DAB1: variants seen among roughly 807,000 people sequenced by gnomAD.
DAB1 encodes disabled homolog 1.
DAB1 carries 15 observed loss-of-function variants against 64.6 expected under a neutral mutation model. The ratio of observed to expected loss-of-function variants is 0.23; its 90% CI spans 0.16 to 0.36. The LOEUF (loss-of-function observed/expected upper bound fraction) is 0.36. Among genes scored for constraint, DAB1 ranks in the 10% least tolerant of loss-of-function variants. DAB1 has a pLI of 1.00. For missense variants in DAB1, 596 were observed against 706.7 expected (o/e 0.84, Z 1.78); for synonymous variants, 235 against 251.9 (o/e 0.93, Z 0.64).
chr1:58,093,383 G>A (rs1468619293), intron 5 of DAB1, among the ~76,000 whole-genome samples: 1 of 152,158 alleles, frequency 6.6e-6, no homozygotes, highest in African/African-American at 2.4e-5. Context: ...GGTAGGAACT[G>A]GGCCACACAA....
At chr1:58,214,508 G>A (rs1570493053) in intron 4 of DAB1, among the ~76,000 whole-genome samples, 2 of 152,112 alleles carry the variant, frequency 1.3e-5, no homozygotes, top group Non-Finnish European at 2.9e-5. Context: ...TAAGAAAGAG[G>A]GAGTGGTCCC....
chr1:58,250,482 C>T (rs1005228360), intron 4 of DAB1, among the ~76,000 whole-genome samples: 4 of 152,234 alleles, frequency 2.6e-5, no homozygotes, highest in African/African-American at 9.6e-5. Context: ...GCAGTAGCAG[C>T]AGCAGCAGCA....
intron 5 of DAB1, among the ~76,000 whole-genome samples, chr1:57,909,028 C>T (rs1266834306): frequency 6.6e-6 from 1 of 152,188 alleles, no homozygotes; most frequent in Non-Finnish European, 1.5e-5. Context: ...TACAAGACAT[C>T]ATCGAAGAGA....
chr1:57,552,536 A>C (rs2101478740), intron 7 of DAB1, among the ~76,000 whole-genome samples: 1 of 152,330 alleles, frequency 6.6e-6, no homozygotes, highest in East Asian at 1.9e-4. Flanking sequence ...TGAGCAAAGT[A>C]CTCAAGAACA....
intron 6 of DAB1, among the ~76,000 whole-genome samples, chr1:57,664,972 A>G (rs1646429118): frequency 6.6e-6 from 1 of 152,026 alleles, no homozygotes; most frequent in South Asian, 2.1e-4. Flanking sequence ...CTTTTTGCTT[A>G]TTTGTAATTT....
chr1:58,173,937 A>G (rs549736041), intron 4 of DAB1, among the ~76,000 whole-genome samples: 1 of 152,278 alleles, frequency 6.6e-6, no homozygotes, highest in South Asian at 2.1e-4. Context: ...TGCTACAGGA[A>G]CCAGAATAGC....
intron 5 of DAB1, among the ~76,000 whole-genome samples, chr1:57,991,695 A>G (rs1646341684): frequency 6.6e-6 from 1 of 151,816 alleles, no homozygotes. Flanking sequence ...AAAATACAAA[A>G]ATTAGCTGGG....
At chr1:57,064,605 C>A (rs1570623468) in intron 8 of DAB1, among the ~76,000 whole-genome samples, 1 of 152,202 alleles carries the variant, frequency 6.6e-6, no homozygotes, top group African/African-American at 2.4e-5. Flanking sequence ...ATTCAACTCA[C>A]TCCATGAGTG....
At chr1:57,794,508 C>A (rs1650749787) in intron 6 of DAB1, among the ~76,000 whole-genome samples, 1 of 152,156 alleles carries the variant, frequency 6.6e-6, no homozygotes, top group African/African-American at 2.4e-5. Context: ...TACAGCTTAT[C>A]CTACAAGCCT....
chr1:57,796,853 G>A (rs1040643910), intron 6 of DAB1, among the ~76,000 whole-genome samples: 1 of 152,052 alleles, frequency 6.6e-6, no homozygotes, highest in African/African-American at 2.4e-5. Context: ...ACTGGCTATA[G>A]ATCCCCACAT....
At chr1:57,885,723 G>T (rs1218961491), upstream of DAB1, among the ~76,000 whole-genome samples, 1 of 152,104 alleles carries the variant, frequency 6.6e-6, no homozygotes, top group Non-Finnish European at 1.5e-5. Flanking sequence ...GTATGGTGTG[G>T]CCAAAAGCAT....
chr1:57,076,756 T>C (rs1277938530), intron 4 of DAB1, among the ~76,000 whole-genome samples: 1 of 152,230 alleles, frequency 6.6e-6, no homozygotes, highest in East Asian at 1.9e-4. Context: ...GGAACCTACC[T>C]TGATACCCCA....
chr1:58,534,502 A>G (rs1277479054), intron 1 of DAB1, among the ~76,000 whole-genome samples: 1 of 152,270 alleles, frequency 6.6e-6, no homozygotes, highest in East Asian at 1.9e-4. Flanking sequence ...TCATGCAAAG[A>G]CAATGTGGTT....
rs1039719197 is a variant in DAB1, at chr1:57,089,770, G to A, written c.307-17356C>T. 1.7e-4 allele frequency among the ~76,000 whole-genome samples: 26 copies of A among 152,276 alleles called. 2 individuals are homozygous for A. In the South Asian group the frequency reaches 2.3e-3, roughly 13 times the overall value. On this transcript the variant is annotated intron_variant, in intron 4 of 14. Coordinates refer to ENST00000371236, the MANE Select transcript of DAB1 (RefSeq NM_001365792.1). ...GGACATATATTCAAGACATATCATT[G>A]AGTAAATGATTTGATGTAAGAAATA...
intron 4 of DAB1, among the ~76,000 whole-genome samples, chr1:58,281,328 C>T (rs539880503): frequency 1.3e-5 from 2 of 151,410 alleles, no homozygotes; most frequent in South Asian, 2.1e-4. Flanking sequence ...ACACAAGTGA[C>T]GAAGCCTGAA....
Position 58,466,780 on chromosome 1 carries a change from G to A in DAB1, n.257+39280C>T, listed in dbSNP as rs189403326. 5.3e-5 allele frequency among the ~76,000 whole-genome samples: 8 copies of A among 152,230 alleles called. No individual in the cohort carries two copies. The East Asian group carries it at 1.2e-3, about 22-fold the overall frequency. ...TTGCCTCCTTTTACCACCACAGCCCGGTTGAACAGCGCCTGTCCCATAACT... is the reference window on the plus strand; with the variant it reads ...TTGCCTCCTTTTACCACCACAGCCCAGTTGAACAGCGCCTGTCCCATAACT... On this transcript the variant is annotated intron_variant and non_coding_transcript_variant, in intron 3 of 20. Coordinates refer to the DAB1 transcript ENST00000485760.
rs1645974867 is a variant in DAB1 at position 57,630,392 on chromosome 1, C to A, written n.625+19200G>T. 2.6e-5 allele frequency among the ~76,000 whole-genome samples: 4 copies of A among 152,244 alleles called. No individual in the cohort carries two copies. The South Asian group carries it at 6.2e-4, about 24-fold the overall frequency. ...AAGAGTCCACTCTAGTGTTCGATAA[C>A]CCTCACCTCGGGAAAATTGTCTCTT... is the stretch of plus-strand genomic sequence containing the variant. On this transcript the variant is annotated intron_variant and non_coding_transcript_variant, in intron 7 of 20. Coordinates refer to the DAB1 transcript ENST00000485760.
At chr1:58,448,035 A>G (rs1336936543) in intron 3 of DAB1, among the ~76,000 whole-genome samples, 1 of 152,024 alleles carries the variant, frequency 6.6e-6, no homozygotes, top group African/African-American at 2.4e-5. Flanking sequence ...TGCAATGGCT[A>G]ACACAGCCCA....
At chr1:57,469,128 G>A (rs1357967899) in intron 7 of DAB1, among the ~76,000 whole-genome samples, 1 of 152,192 alleles carries the variant, frequency 6.6e-6, no homozygotes, top group African/African-American at 2.4e-5. Flanking sequence ...TGGTAAAATG[G>A]AAGGCAGACA....
Sources: gnomAD v4.1 joint callset for allele counts (sites outside exome capture counted in the v4.1 genomes callset) on GRCh38, gnomAD v4.1.1 for gene constraint, MANE v1.5 for transcripts, NCBI Gene and HGNC (gene_info 2026-07-23, HGNC 2026-07-21) for gene names.